CTCFL: variants seen among roughly 807,000 people sequenced by gnomAD.
CTCFL encodes CCCTC-binding factor like, also known as transcriptional repressor CTCFL.
A neutral mutation model predicts 67.4 loss-of-function variants in CTCFL; 36 were observed. The observed-to-expected ratio is 0.53, with a 90% CI of 0.41 to 0.71. The LOEUF is 0.71. Ranked by LOEUF, CTCFL falls within the 30% of genes least tolerant of loss-of-function variation. The pLI is 0.00. For missense variants in CTCFL, 786 were observed against 835.2 expected (o/e 0.94, Z 0.73); for synonymous variants, 324 against 302.3 (o/e 1.07, Z -0.75).
Position 57,497,591 on chromosome 20 carries a change from G to A in CTCFL, c.*959C>T. 1.2e-5 allele frequency: 12 copies of A among 985,428 alleles called. No individual in the cohort carries two copies. The highest frequency in any genetic ancestry group is 1.3e-5 in the Non-Finnish European group (11 of 829,936). 61.0% of individuals were successfully genotyped at this position (985,428 alleles called of 1,614,324 possible). On this transcript the variant is annotated 3_prime_UTR_variant, in exon 11 of 11. Coordinates refer to ENST00000243914, the MANE Select transcript of CTCFL (RefSeq NM_001386993.1). ...TAAAGAGGCATCTCTCACGCTGCTC[G>A]AGGGTGGAAAAATCTTGTCAACTGG...
intron 6 of CTCFL, chr20:57,515,510 G>A (rs1344428398): frequency 1.7e-6 from 1 of 604,338 alleles, no homozygotes; most frequent in African/African-American, 1.9e-5. Flanking sequence ...ACTCCACACA[G>A]TGGGGTTGTG....
intron 4 of CTCFL, 74 bp downstream of exon 4, chr20:57,519,133 C>A: frequency 6.9e-7 from 1 of 1,443,656 alleles, no homozygotes; most frequent in Non-Finnish European, 9.5e-7. Context: ...ACTGTAGAAA[C>A]AGGTGGATTC....
chr20:57,501,889 T>C (rs1476276627), intron 10 of CTCFL, among the ~76,000 whole-genome samples: 2 of 152,216 alleles, frequency 1.3e-5, no homozygotes, highest in African/African-American at 2.4e-5. Flanking sequence ...TCTGGGCACC[T>C]GGGCAGGCTC....
chr20:57,504,121 C>A (rs1023974822), intron 9 of CTCFL, among the ~76,000 whole-genome samples: 4 of 151,784 alleles, frequency 2.6e-5, no homozygotes, highest in Non-Finnish European at 5.9e-5. Context: ...GGACTACAGG[C>A]ACCCGTCACC....
At chr20:57,505,507 C>T (rs902714395) in intron 9 of CTCFL, among the ~76,000 whole-genome samples, 4 of 152,212 alleles carry the variant, frequency 2.6e-5, no homozygotes, top group Admixed American at 1.3e-4. Flanking sequence ...CCGCCCGCCT[C>T]GGCCTCCCAA....
At chr20:57,520,032 A>G (rs1318480495) in intron 3 of CTCFL, among the ~76,000 whole-genome samples, 3 of 152,206 alleles carry the variant, frequency 2.0e-5, no homozygotes, top group Non-Finnish European at 4.4e-5. Context: ...TCCATCAGCA[A>G]AAGAAGTTCT....
chr20:57,515,725 C>G lies in CTCFL; in HGVS notation c.1169G>C (p.Arg390Thr), dbSNP rs1181781982. Residue 390 changes from arginine (R) to threonine (T), a missense_variant, in exon 6 of 11, where the codon AGA becomes ACA. Around this residue, in one of 3 missense-constraint regions of CTCFL, gnomAD observed 254 missense variants for 333.9 expected, o/e 0.76. Coordinates refer to ENST00000243914, the MANE Select transcript of CTCFL (RefSeq NM_001386993.1). ...ACCAGAGCCCTTACCTGAGTGCGTT[C>G]TCATGTGGCGTTTCAGCTTGTAGGT... ...RDTYKLKRHM[R>T]THSGEKPYEC... 6.2e-7 allele frequency: 1 copy of G among 1,614,126 alleles called. No homozygotes were observed. Among genetic ancestry groups the G allele is most frequent in the Non-Finnish European group, 8.5e-7 (1 of 1,180,006 alleles).
chr20:57,511,309 G>C (rs1036738433), intron 8 of CTCFL, among the ~76,000 whole-genome samples: 1 of 152,074 alleles, frequency 6.6e-6, no homozygotes, highest in Non-Finnish European at 1.5e-5. Flanking sequence ...CAAAGTGTTG[G>C]GACTATAGGT....
chr20:57,502,260 G>A (rs974312074), intron 10 of CTCFL, among the ~76,000 whole-genome samples: 9 of 152,234 alleles, frequency 5.9e-5, no homozygotes, highest in South Asian at 2.1e-4. Flanking sequence ...CAGAGCGACT[G>A]GAACCAGGGA....
chr20:57,520,453 G>A (rs950050974), intron 3 of CTCFL, among the ~76,000 whole-genome samples: 1 of 152,020 alleles, frequency 6.6e-6, no homozygotes, highest in Non-Finnish European at 1.5e-5. Context: ...AAAACAACTG[G>A]CAAAAAAATG....
At chr20:57,507,539 C>T (rs1172398557) in intron 9 of CTCFL, 2 of 699,826 alleles carry the variant, frequency 2.9e-6, no homozygotes, top group East Asian at 2.7e-5. Flanking sequence ...GGCACCATGG[C>T]TTCCTACTTG....
rs548683655 is a variant in CTCFL at position 57,502,280 on chromosome 20, G to A, written c.1840+1156C>T. ...CGACTGGAACCAGGGACCCAGAACC[G>A]ACTCCACACAGAGGGAGTGGGAAGG... On this transcript the variant is annotated intron_variant, in intron 10 of 10. Coordinates refer to ENST00000243914, the MANE Select transcript of CTCFL (RefSeq NM_001386993.1). Among the ~76,000 whole-genome samples the A allele has an allele frequency of 1.1e-4, 16 of 152,354 alleles. No homozygotes were observed. The East Asian group carries it at 2.5e-3, about 24-fold the overall frequency.
rs754143322 is a variant in CTCFL at position 57,524,075 on chromosome 20, G to T, written c.131C>A (p.Pro44His). Reference protein sequence around the residue: ...GVCREKDHRSPSELEAERTSG... With the variant: ...GVCREKDHRSHSELEAERTSG... ...GGTACGCTCGGCCTCCAACTCACTA[G>T]GGCTCCGATGGTCTTTCTCTCTGCA... The change falls in exon 2 of 11, where the codon CCT (proline) becomes CAT (histidine). Residue 44 changes from proline to histidine, a missense_variant. This residue lies in a region of CTCFL where 333 missense variants were observed against 304.6 expected (regional missense o/e 1.09). Coordinates refer to ENST00000243914, the MANE Select transcript of CTCFL (RefSeq NM_001386993.1). 7.4e-6 allele frequency: 12 copies of T among 1,613,564 alleles called. No individual in the cohort carries two copies. The highest frequency in any genetic ancestry group is 1.0e-5 in the Non-Finnish European group (12 of 1,179,994).
At chr20:57,513,893 G>C (rs1289922016) in intron 7 of CTCFL, 5 of 1,288,904 alleles carry the variant, frequency 3.9e-6, no homozygotes, top group Non-Finnish European at 5.1e-6. Flanking sequence ...GAAGAGGCTC[G>C]TTCACTCACG....
chr20:57,520,540 A>G (rs2069274365), intron 3 of CTCFL, among the ~76,000 whole-genome samples: 1 of 152,222 alleles, frequency 6.6e-6, no homozygotes, highest in Non-Finnish European at 1.5e-5. Context: ...TAAAAAATCT[A>G]GCTGATTCTC....
intron 10 of CTCFL, among the ~76,000 whole-genome samples, chr20:57,501,923 TCTCC>T (rs1305023258): frequency 3.9e-5 from 6 of 152,228 alleles, no homozygotes; most frequent in African/African-American, 9.6e-5. Context: ...GATGGAGCTC[TCTCC>T]CTGTCAGATG....
chr20:57,513,971 C>T, intron 7 of CTCFL: 2 of 1,077,032 alleles, frequency 1.9e-6, no homozygotes, highest in South Asian at 1.4e-5. Flanking sequence ...CAAATCCCAG[C>T]TCCTAGGCCT....
intron 3 of CTCFL, among the ~76,000 whole-genome samples, chr20:57,522,619 T>A (rs977127007): frequency 6.6e-6 from 1 of 152,126 alleles, no homozygotes; most frequent in East Asian, 1.9e-4. Context: ...GGAATCCTGA[T>A]CCCCATCTTA....
In CTCFL at chr20:57,503,497, C is replaced by T. The variant is rs139755303; in HGVS notation, c.1779G>A (p.Lys593=). 5.0e-5 allele frequency: 80 copies of T among 1,614,122 alleles called. No homozygotes were observed. Among genetic ancestry groups the T allele is most frequent in the Non-Finnish European group, 6.6e-5 (78 of 1,180,050 alleles). The change falls in exon 10 of 11, where the codon AAG becomes AAA. Residue 593 remains lysine (K), a synonymous_variant. Transcript: ENST00000243914. Reference sequence around the variant, plus strand: ...CTTCCTTCTGACCCTTTGTGGCTTCCTTCAGGATGGTCTGCTTCCTCTTTC... The same window carrying T: ...CTTCCTTCTGACCCTTTGTGGCTTCTTTCAGGATGGTCTGCTTCCTCTTTC... ...RTRKRKQTIL[K]EATKGQKEAA... is the part of the protein sequence containing the mutation.
Sources: gnomAD v4.1 joint callset for allele counts (sites outside exome capture counted in the v4.1 genomes callset) on GRCh38, gnomAD v4.1.1 for gene constraint, gnomAD v4.1.1 regional missense constraint, MANE v1.5 for transcripts, NCBI Gene and HGNC (gene_info 2026-07-23, HGNC 2026-07-21) for gene names.